Variants in HIVEP3 observed in about 807,000 individuals in gnomAD.
The protein encoded by HIVEP3 is HIVEP zinc finger 3.
A neutral mutation model predicts 152.8 loss-of-function variants in HIVEP3; 49 were observed. The observed-to-expected ratio is 0.32, with a 90% confidence interval of 0.26 to 0.41. HIVEP3 has a LOEUF of 0.41. Among genes scored for constraint, HIVEP3 ranks in the 10% least tolerant of loss-of-function variants. HIVEP3 has a pLI of 1.00. For synonymous variants in HIVEP3, 1,269 were observed against 1,289.0 expected (o/e 0.98, Z 0.33); for missense variants, 2,790 against 3,103.3 (o/e 0.90, Z 2.40).
At chr1:41,748,280 C>A (rs1181439926) in intron 1 of HIVEP3, among the ~76,000 whole-genome samples, 1 of 152,138 alleles carries the variant, frequency 6.6e-6, no homozygotes, top group Non-Finnish European at 1.5e-5. Flanking sequence ...TTGTTACTTT[C>A]CCTCAGCTTC....
intron 2 of HIVEP3, among the ~76,000 whole-genome samples, chr1:41,699,167 G>A (rs1263938846): frequency 6.6e-6 from 1 of 152,230 alleles, no homozygotes; most frequent in Non-Finnish European, 1.5e-5. Context: ...TGCTGAGCAC[G>A]TGGTGCATAC....
chr1:41,956,976 C>A (rs934659589), intron 1 of HIVEP3, among the ~76,000 whole-genome samples: 1 of 152,038 alleles, frequency 6.6e-6, no homozygotes, highest in African/African-American at 2.4e-5. Context: ...CTAAAATTTT[C>A]TTTTAGTCAA....
At chr1:41,923,154 T>A (rs927679665), upstream of HIVEP3, among the ~76,000 whole-genome samples, 1 of 152,216 alleles carries the variant, frequency 6.6e-6, no homozygotes, top group Non-Finnish European at 1.5e-5. Flanking sequence ...TTAGCTATAA[T>A]GGTTACTACA....
At chr1:41,665,931 C>T (rs1057372809) in intron 2 of HIVEP3, among the ~76,000 whole-genome samples, 1 of 152,130 alleles carries the variant, frequency 6.6e-6, no homozygotes, top group African/African-American at 2.4e-5. Flanking sequence ...GAGCTAGGGA[C>T]CAGCACAGTG....
At chr1:42,030,729 G>A (rs903959305) in intron 1 of HIVEP3, among the ~76,000 whole-genome samples, 5 of 152,136 alleles carry the variant, frequency 3.3e-5, no homozygotes, top group African/African-American at 7.2e-5. Context: ...TCTCCTATTA[G>A]GCAGGCAATC....
chr1:41,818,825 G>A (rs1018791023), intron 1 of HIVEP3, among the ~76,000 whole-genome samples: 3 of 152,040 alleles, frequency 2.0e-5, no homozygotes, highest in Non-Finnish European at 4.4e-5. Flanking sequence ...CCCTCCCCAC[G>A]CTTCCTGAGT....
chr1:41,884,533 C>T (rs1194089768), intron 1 of HIVEP3, among the ~76,000 whole-genome samples: 1 of 152,158 alleles, frequency 6.6e-6, no homozygotes, highest in Non-Finnish European at 1.5e-5. Context: ...TTGTGTTTCT[C>T]CCTCCACTGC....
intron 1 of HIVEP3, among the ~76,000 whole-genome samples, chr1:41,852,802 G>T (rs1388132188): frequency 6.6e-6 from 1 of 152,230 alleles, no homozygotes; most frequent in Non-Finnish European, 1.5e-5. Context: ...TAACCTTAAT[G>T]ACAAGTCTCA....
intron 1 of HIVEP3, among the ~76,000 whole-genome samples, chr1:41,757,672 A>C (rs1241528324): frequency 6.9e-6 from 1 of 144,926 alleles, no homozygotes; most frequent in African/African-American, 2.5e-5. Context: ...CAGCCCCTTC[A>C]GTCTGTTTAT....
intron 5 of HIVEP3, among the ~76,000 whole-genome samples, chr1:41,534,990 G>C (rs1643362901): frequency 6.6e-6 from 1 of 152,134 alleles, no homozygotes; most frequent in African/African-American, 2.4e-5. Flanking sequence ...CATAACCTGA[G>C]ACACGGCAGA....
chr1:41,925,017 C>T (rs189184851), intron 1 of HIVEP3, among the ~76,000 whole-genome samples: 6 of 152,336 alleles, frequency 3.9e-5, no homozygotes, highest in Admixed American at 3.9e-4. Context: ...TAAGATGTGA[C>T]TCCAGACTCA....
At chr1:41,840,692 T>G (rs1643261905) in intron 1 of HIVEP3, among the ~76,000 whole-genome samples, 1 of 152,112 alleles carries the variant, frequency 6.6e-6, no homozygotes, top group African/African-American at 2.4e-5. Flanking sequence ...CCTTGGATAT[T>G]AACCCCTGGC....
intron 1 of HIVEP3, among the ~76,000 whole-genome samples, chr1:41,998,211 CATA>C (rs1645406379): frequency 6.6e-6 from 1 of 152,006 alleles, no homozygotes; most frequent in East Asian, 1.9e-4. Flanking sequence ...ATAAAATGAA[CATA>C]ATATGTTCAG....
At chr1:42,004,512 TG>T (rs1414514072) in intron 1 of HIVEP3, among the ~76,000 whole-genome samples, 6 of 152,162 alleles carry the variant, frequency 3.9e-5, no homozygotes, top group African/African-American at 1.2e-4. Context: ...TATTGCATCA[TG>T]GGGCCAGAAT....
intron 2 of HIVEP3, among the ~76,000 whole-genome samples, chr1:41,669,154 G>A (rs1036023870): frequency 1.2e-4 from 19 of 152,158 alleles, no homozygotes; most frequent in Non-Finnish European, 2.9e-5. Context: ...CCTGAACTCT[G>A]ACTGGATTAG....
chr1:41,603,905 C>T (rs975795683), intron 3 of HIVEP3, among the ~76,000 whole-genome samples: 5 of 152,088 alleles, frequency 3.3e-5, no homozygotes, highest in Admixed American at 6.5e-5. Flanking sequence ...ATATTCTATC[C>T]GTTATTAAAA....
intron 1 of HIVEP3, among the ~76,000 whole-genome samples, chr1:42,034,536 A>C (rs1645630196): frequency 6.6e-6 from 1 of 152,218 alleles, no homozygotes; most frequent in Admixed American, 6.5e-5. Flanking sequence ...CTTAACGAGC[A>C]GATAAAAGTG....
At chr1:41,880,424 T>C (rs1644243143) in intron 1 of HIVEP3, among the ~76,000 whole-genome samples, 1 of 152,176 alleles carries the variant, frequency 6.6e-6, no homozygotes, top group South Asian at 2.1e-4. Flanking sequence ...AGGAAGGGAA[T>C]GTGGTCAGCA....
At chr1:41,608,490 C>G (rs965929538) in intron 3 of HIVEP3, among the ~76,000 whole-genome samples, 2 of 152,106 alleles carry the variant, frequency 1.3e-5, no homozygotes, top group Non-Finnish European at 2.9e-5. Flanking sequence ...GTGAAGAAGG[C>G]GGGGAGGGGT....
Sources: allele counts gnomAD v4.1 joint callset (sites outside exome capture counted in the v4.1 genomes callset), GRCh38; gene constraint gnomAD v4.1.1; transcripts MANE v1.5; gene names NCBI Gene and HGNC (gene_info 2026-07-23, HGNC 2026-07-21).